The following EIF3CL variants were observed in gnomAD, a reference collection of about 807,000 sequenced individuals.
EIF3CL encodes the protein eukaryotic translation initiation factor 3 subunit C-like protein.
For missense variants in EIF3CL, 5 were observed against 56.1 expected, an observed-to-expected ratio of 0.09 and a Z score of 2.91; for synonymous variants, 2 against 19.6, an observed-to-expected ratio of 0.10 and a Z score of 2.37.
At chr16:28,423,817 T>TA in the EIF3CL span, among the ~76,000 whole-genome samples, 2 of 102,968 alleles carry the variant, frequency 1.9e-5, no homozygotes, top group South Asian at 5.5e-4. Flanking sequence ...AATATATATA[T>TA]TATATATATA....
the EIF3CL span, among the ~76,000 whole-genome samples, chr16:28,416,504 T>G: frequency 5.8e-5 from 1 of 17,226 alleles, no homozygotes; most frequent in South Asian, 2.7e-3. Context: ...CGCCGCCCCA[T>G]CTGGGATGTG....
the EIF3CL span, among the ~76,000 whole-genome samples, chr16:28,412,848 CA>C: frequency 1.3e-5 from 2 of 149,444 alleles, no homozygotes; most frequent in African/African-American, 2.4e-5. Flanking sequence ...AAGGTGCTGG[CA>C]AAACCGATTT....
the EIF3CL span, among the ~76,000 whole-genome samples, chr16:28,417,914 A>G: frequency 7.5e-6 from 1 of 132,948 alleles, no homozygotes; most frequent in Non-Finnish European, 1.6e-5. Context: ...GTGGTGGCGC[A>G]TGCCTGTAAT....
At chr16:28,396,655 A>G (rs2045652519) in intron 8 of EIF3CL, among the ~76,000 whole-genome samples, 1 of 89,448 alleles carries the variant, frequency 1.1e-5, no homozygotes, top group South Asian at 3.1e-4. Context: ...GCGACAGTGC[A>G]AGACTCTGTC....
the EIF3CL span, among the ~76,000 whole-genome samples, chr16:28,415,792 C>A: frequency 9.8e-6 from 1 of 101,636 alleles, no homozygotes; most frequent in African/African-American, 3.3e-5. Context: ...TATTTTCATG[C>A]CCTCTCCCTC....
chr16:28,417,131 G>A, the EIF3CL span, among the ~76,000 whole-genome samples: 4 of 132,904 alleles, frequency 3.0e-5, no homozygotes, highest in Non-Finnish European at 3.3e-5. Context: ...CGCCCGGTCC[G>A]GGAGGGAGGT....
chr16:28,426,069 G>A, the EIF3CL span, among the ~76,000 whole-genome samples: 7 of 113,474 alleles, frequency 6.2e-5, 2 homozygotes, highest in Non-Finnish European at 1.1e-4. Flanking sequence ...GTGACAGAGG[G>A]AGACTCTGTC....
the EIF3CL span, among the ~76,000 whole-genome samples, chr16:28,416,647 C>A: frequency 7.4e-5 from 6 of 81,474 alleles, no homozygotes; most frequent in South Asian, 3.4e-4. Context: ...CCCCTCCGCC[C>A]GGCAGCCGCC....
At chr16:28,385,394 G>A (rs1164001789) in intron 15 of EIF3CL, among the ~76,000 whole-genome samples, 2 of 123,122 alleles carry the variant, frequency 1.6e-5, no homozygotes, top group Admixed American at 1.8e-4. Context: ...GTGCAGTGGC[G>A]TGATCGTGGC....
the EIF3CL span, among the ~76,000 whole-genome samples, chr16:28,423,832 T>C: frequency 1.8e-5 from 2 of 109,404 alleles, 1 homozygote; most frequent in Non-Finnish European, 4.1e-5. Context: ...TATATATATA[T>C]ATTTTTTGAG....
At chr16:28,417,347 T>A in the EIF3CL span, among the ~76,000 whole-genome samples, 1 of 142,834 alleles carries the variant, frequency 7.0e-6, no homozygotes, top group East Asian at 2.1e-4. Flanking sequence ...CGGGCCAGGA[T>A]GACAATGGCG....
intron 8 of EIF3CL, among the ~76,000 whole-genome samples, chr16:28,393,158 GT>G (rs1293691633): frequency 4.0e-3 from 273 of 68,044 alleles, no homozygotes; most frequent in Middle Eastern, 9.6e-3. Flanking sequence ...GTTTGAATAT[GT>G]TTTTGGAATA....
chr16:28,417,782 C>T, the EIF3CL span, among the ~76,000 whole-genome samples: 2 of 142,874 alleles, frequency 1.4e-5, no homozygotes, highest in Admixed American at 7.0e-5. Context: ...TGCCAAATCC[C>T]CCTCTGTGAG....
At chr16:28,421,584 G>A in the EIF3CL span, among the ~76,000 whole-genome samples, 5 of 23,426 alleles carry the variant, frequency 2.1e-4, no homozygotes, top group East Asian at 2.8e-3. Context: ...TTGGGAGGCC[G>A]AGGTAGGTGG....
At chr16:28,403,108 C>T (rs1216422295) in intron 2 of EIF3CL, among the ~76,000 whole-genome samples, 1 of 143,894 alleles carries the variant, frequency 6.9e-6, no homozygotes, top group Non-Finnish European at 1.5e-5. Flanking sequence ...CACCTGCGTA[C>T]ACAGCAGGTG....
At chr16:28,418,595 G>A in the EIF3CL span, among the ~76,000 whole-genome samples, 1 of 139,678 alleles carries the variant, frequency 7.2e-6, no homozygotes, top group East Asian at 2.2e-4. Flanking sequence ...CATTCTCTAA[G>A]ATCCATCCAA....
chr16:28,402,513 C>T (rs180820915), intron 2 of EIF3CL, among the ~76,000 whole-genome samples: 1 of 116,248 alleles, frequency 8.6e-6, no homozygotes, highest in East Asian at 2.6e-4. Flanking sequence ...TGGTCTCAAA[C>T]TCCTGACCTC....
chr16:28,415,702 A>G, the EIF3CL span, among the ~76,000 whole-genome samples: 1 of 134,180 alleles, frequency 7.5e-6, no homozygotes, highest in African/African-American at 2.9e-5. Flanking sequence ...GTGAGCTGAG[A>G]TAGTGCCACT....
At chr16:28,412,300 T>G in the EIF3CL span, among the ~76,000 whole-genome samples, 1 of 8,486 alleles carries the variant, frequency 1.2e-4, no homozygotes, top group African/African-American at 6.8e-4. Flanking sequence ...TGAGATGGAG[T>G]TTCACTCTTG....
Sources: gnomAD v4.1 joint callset for allele counts (sites outside exome capture counted in the v4.1 genomes callset) on GRCh38, gnomAD v4.1.1 for gene constraint, MANE v1.5 for transcripts, NCBI Gene and HGNC (gene_info 2026-07-23, HGNC 2026-07-21) for gene names.